The following SLC9B2 variants were observed in gnomAD, a reference collection of about 807,000 sequenced individuals.
The protein encoded by SLC9B2 is sodium/hydrogen exchanger 9B2.
Under a neutral mutation model 52.2 loss-of-function variants are expected in SLC9B2, and 39 were observed. That is an observed-to-expected ratio of 0.75 (90% CI 0.58 to 0.98). SLC9B2 has a LOEUF of 0.98. Ranked by LOEUF, SLC9B2 falls within the 50% of genes least tolerant of loss-of-function variation. The pLI is 0.00. For synonymous variants in SLC9B2, 214 were observed against 227.0 expected, an observed-to-expected ratio of 0.94 and a Z score of 0.51; for missense variants, 626 against 637.5, an observed-to-expected ratio of 0.98 and a Z score of 0.19.
At chr4:103,069,673 T>C (rs975179260) in intron 1 of SLC9B2, among the ~76,000 whole-genome samples, 2 of 152,234 alleles carry the variant, frequency 1.3e-5, no homozygotes, top group Non-Finnish European at 2.9e-5. Flanking sequence ...TGATTTTTCA[T>C]CTGTTTTTGA....
At chr4:103,066,773 CT>C (rs1468411039) in intron 2 of SLC9B2, among the ~76,000 whole-genome samples, 1 of 152,082 alleles carries the variant, frequency 6.6e-6, no homozygotes, top group Non-Finnish European at 1.5e-5. Flanking sequence ...AAATCTGAAA[CT>C]TTTTGAGCAC....
intron 9 of SLC9B2, among the ~76,000 whole-genome samples, chr4:103,034,967 A>T (rs1743032402): frequency 6.6e-6 from 1 of 152,074 alleles, no homozygotes; most frequent in African/African-American, 2.4e-5. Flanking sequence ...ACATCTTTTG[A>T]TACTTTTTAA....
intron 4 of SLC9B2, among the ~76,000 whole-genome samples, chr4:103,052,130 C>T (rs367588603): frequency 2.0e-5 from 3 of 152,206 alleles, no homozygotes; most frequent in Admixed American, 1.3e-4. Context: ...GGACCGGTGT[C>T]GTGGAAGACG....
intron 9 of SLC9B2, among the ~76,000 whole-genome samples, chr4:103,041,316 A>T (rs575472952): frequency 4.7e-4 from 72 of 152,326 alleles, no homozygotes; most frequent in Admixed American, 1.4e-3. Context: ...AAATATTTTT[A>T]AAAATGTTAA....
Position 103,044,885 on chromosome 4 carries a change from T to C in SLC9B2, c.996+5A>G, listed in dbSNP as rs1021280714. 1 of 1,607,764 alleles carries C rather than the reference T, an allele frequency of 6.2e-7. No homozygotes were observed. The highest frequency in any genetic ancestry group is 1.3e-5 in the African/African-American group (1 of 74,780). ...CACAACTTTCCCACATATTATTTCT[T>C]TCACCTGGTCACGGCTTGGAAAGTA... is the stretch of plus-strand genomic sequence containing the variant. On this transcript the variant is annotated splice_donor_5th_base_variant and intron_variant, in intron 8 of 11. Coordinates refer to ENST00000394785, the MANE Select transcript of SLC9B2 (RefSeq NM_178833.7).
rs1238009750 is a variant in SLC9B2, at chr4:103,022,272, G to C, written c.*4098C>G. On this transcript the variant is annotated 3_prime_UTR_variant, in exon 12 of 12. Coordinates refer to ENST00000394785, the MANE Select transcript of SLC9B2 (RefSeq NM_178833.7). ...GCTCCATGAAGGCAGGGATTTGTCTGTTTTATTCATTGCAAAATGAATATC... is the reference window on the plus strand; with the variant it reads ...GCTCCATGAAGGCAGGGATTTGTCTCTTTTATTCATTGCAAAATGAATATC... Among the ~76,000 whole-genome samples, 1 of 152,144 alleles carries C rather than the reference G, an allele frequency of 6.6e-6. No homozygotes were observed. Among genetic ancestry groups the C allele is most frequent in the Non-Finnish European group, 1.5e-5 (1 of 68,010 alleles).
At chr4:103,028,949 C>G in intron 10 of SLC9B2, 66 bp from the exon 11 acceptor site, 1 of 1,300,350 alleles carries the variant, frequency 7.7e-7, no homozygotes, top group Non-Finnish European at 1.0e-6. Context: ...CTCATGGTTA[C>G]TAATTCAAAA....
At chr4:103,036,727 T>C (rs1260054765) in intron 9 of SLC9B2, among the ~76,000 whole-genome samples, 1 of 152,024 alleles carries the variant, frequency 6.6e-6, no homozygotes, top group Non-Finnish European at 1.5e-5. Context: ...ATTCATGACT[T>C]TGTAAGGAAA....
At chr4:103,047,247 A>G in intron 6 of SLC9B2, 21 bp from the exon 7 acceptor site, 1 of 1,592,022 alleles carries the variant, frequency 6.3e-7, no homozygotes, top group Non-Finnish European at 8.6e-7. Flanking sequence ...AGCATTTTAA[A>G]CATTTATGAT....
chr4:103,065,185 C>CAT (rs1428725730), intron 3 of SLC9B2, among the ~76,000 whole-genome samples: 3 of 148,012 alleles, frequency 2.0e-5, no homozygotes, highest in Non-Finnish European at 4.5e-5. Context: ...CACACGCACA[C>CAT]ACACACACAC....
At chr4:103,075,707 C>A (rs1165459703) in intron 1 of SLC9B2, among the ~76,000 whole-genome samples, 1 of 152,116 alleles carries the variant, frequency 6.6e-6, no homozygotes, top group Non-Finnish European at 1.5e-5. Flanking sequence ...TGCCTGGAAA[C>A]TAAGGACTCC....
At position 103,043,383 on chromosome 4, in the gene SLC9B2, G is replaced by A. The variant is rs775586133; in HGVS notation, c.1059C>T (p.Ser353=). 11 of 1,613,724 alleles carry A rather than the reference G, an allele frequency of 6.8e-6. No individual in the cohort carries two copies. The highest frequency in any genetic ancestry group is 9.3e-6 in the Non-Finnish European group (11 of 1,179,912). The change falls in exon 9 of 12, where the codon AGC becomes AGT. Residue 353 remains serine, a synonymous_variant. Coordinates refer to ENST00000394785, the MANE Select transcript of SLC9B2 (RefSeq NM_178833.7). ...ATCCAGGGAAACCAAAATGCACACT[G>A]CTGAACACAGCTAGCACAGACAACC... ...VLGLSVLAVF[S]SVHFGFPGSG...
intron 5 of SLC9B2, 28 bp from the exon 6 acceptor site, chr4:103,049,048 A>G (rs979093383): frequency 3.1e-6 from 5 of 1,609,678 alleles, no homozygotes; most frequent in Non-Finnish European, 4.2e-6. Flanking sequence ...ACATCCTAAT[A>G]TAATCCTCTG....
chr4:103,066,291 T>A, intron 3 of SLC9B2, 36 bp downstream of exon 3: 3 of 1,587,046 alleles, frequency 1.9e-6, no homozygotes, highest in Non-Finnish European at 2.6e-6. Context: ...TATAACAACT[T>A]CATCTTTTGC....
rs1742027658 is a variant in SLC9B2 at position 103,024,310 on chromosome 4, G to A, written c.*2060C>T. ...GGACCAGATGATCATTAAGTTTATG[G>A]TGCTCCCAGCAAAGTGCACCTAACC... On this transcript the variant is annotated 3_prime_UTR_variant, in exon 12 of 12. Coordinates refer to ENST00000394785, the MANE Select transcript of SLC9B2 (RefSeq NM_178833.7). Among the ~76,000 whole-genome samples, 2 of 152,096 alleles carry A rather than the reference G, an allele frequency of 1.3e-5. No homozygotes were observed. The highest frequency in any genetic ancestry group is 2.9e-5 in the Non-Finnish European group (2 of 68,012).
chr4:103,066,565 T>C (rs1746149035), intron 2 of SLC9B2, 58 bp from the exon 3 acceptor site: 7 of 1,492,710 alleles, frequency 4.7e-6, no homozygotes, highest in African/African-American at 1.4e-5. Context: ...CACATATTTA[T>C]AGGTACTGCA....
At chr4:103,052,326 G>A (rs772261329) in intron 4 of SLC9B2, among the ~76,000 whole-genome samples, 25 of 152,334 alleles carry the variant, frequency 1.6e-4, no homozygotes, top group Non-Finnish European at 3.2e-4. Context: ...CAGAGCTCAG[G>A]CAGTAATGCT....
intron 4 of SLC9B2, among the ~76,000 whole-genome samples, chr4:103,053,028 G>A (rs1744827200): frequency 1.3e-5 from 2 of 152,176 alleles, no homozygotes; most frequent in South Asian, 4.1e-4. Flanking sequence ...TTCCTGGATA[G>A]AGGAGTGTTG....
intron 3 of SLC9B2, among the ~76,000 whole-genome samples, chr4:103,060,768 C>G (rs889907304): frequency 1.3e-5 from 2 of 152,132 alleles, no homozygotes; most frequent in Admixed American, 1.3e-4. Context: ...CTACCATGTA[C>G]TTAAAAGCTT....
Sources: gnomAD v4.1 joint callset for allele counts (sites outside exome capture counted in the v4.1 genomes callset) on GRCh38, gnomAD v4.1.1 for gene constraint, MANE v1.5 for transcripts, NCBI Gene and HGNC (gene_info 2026-07-23, HGNC 2026-07-21) for gene names.